The following COMMD1 variants were observed in gnomAD, a reference collection of about 807,000 sequenced individuals.
COMMD1 encodes COMM domain-containing protein 1.
Under a neutral mutation model 17.2 loss-of-function variants are expected in COMMD1, and 10 were observed. That is an observed-to-expected ratio of 0.58 (90% CI 0.36 to 0.99). The LOEUF (loss-of-function observed/expected upper bound fraction) is 0.99. COMMD1 is among the 50% of genes least tolerant of loss of function. The pLI, the probability that COMMD1 is intolerant of heterozygous loss-of-function variation, is 0.01. For synonymous variants in COMMD1, 97 were observed against 91.6 expected (o/e 1.06, Z -0.34); for missense variants, 270 against 231.8 (o/e 1.17, Z -1.07).
rs70946770 is a variant in COMMD1 at position 61,955,312 on chromosome 2, T to TTCTCTCTC, written c.181-45371_181-45364dup. Among the ~76,000 whole-genome samples the TTCTCTCTC allele has an allele frequency of 5.8e-4, 84 of 145,472 alleles. 1 individual carries two copies. The highest frequency in any genetic ancestry group is 3.7e-3 in the East Asian group (18 of 4,858). ...GATTGCCAGAAGTTCCTCTCTCTCT[T>TTCTCTCTC]TCTCTCTCTCTCTCTCTCTCTCTCT... is the stretch of plus-strand genomic sequence containing the variant. On this transcript the variant is annotated intron_variant, in intron 1 of 2. Coordinates refer to ENST00000311832, the MANE Select transcript of COMMD1 (RefSeq NM_152516.4).
intron 2 of COMMD1, among the ~76,000 whole-genome samples, chr2:62,104,193 T>A (rs1672260139): frequency 6.6e-6 from 1 of 152,144 alleles, no homozygotes; most frequent in Non-Finnish European, 1.5e-5. Flanking sequence ...GGGTTAGCAA[T>A]ATTCACTGCA....
intron 2 of COMMD1, among the ~76,000 whole-genome samples, chr2:62,049,016 G>C (rs894257558): frequency 1.3e-5 from 2 of 152,092 alleles, no homozygotes; most frequent in Non-Finnish European, 2.9e-5. Context: ...AACTAGTAGA[G>C]TATTTTTCTA....
intron 2 of COMMD1, among the ~76,000 whole-genome samples, chr2:62,086,046 T>A (rs1167735319): frequency 2.0e-5 from 3 of 151,326 alleles, no homozygotes; most frequent in Non-Finnish European, 4.4e-5. Context: ...ACACACCTAG[T>A]CGCATCTACT....
chr2:62,039,180 CTG>C (rs1459523040), intron 2 of COMMD1, among the ~76,000 whole-genome samples: 1 of 152,162 alleles, frequency 6.6e-6, no homozygotes, highest in Non-Finnish European at 1.5e-5. Context: ...TTAAGTTACT[CTG>C]TAGTTGGGTT....
chr2:61,913,754 C>T (rs1165939542), intron 1 of COMMD1, among the ~76,000 whole-genome samples: 1 of 140,246 alleles, frequency 7.1e-6, no homozygotes, highest in Non-Finnish European at 1.5e-5. Context: ...CAAGATTGCA[C>T]CACTGCACTC....
At chr2:62,111,179 C>T (rs77770883) in intron 2 of COMMD1, among the ~76,000 whole-genome samples, 1,763 of 152,214 alleles carry the variant, frequency 0.012, 36 homozygotes, top group African/African-American at 0.041. Context: ...GCTAATGAGG[C>T]ACATTTTGGG....
intron 1 of COMMD1, among the ~76,000 whole-genome samples, chr2:61,951,265 A>T (rs1198367298): frequency 6.6e-6 from 1 of 152,110 alleles, no homozygotes; most frequent in Non-Finnish European, 1.5e-5. Flanking sequence ...GGAGTTCAAG[A>T]CCAGCCTGGC....
intron 1 of COMMD1, among the ~76,000 whole-genome samples, chr2:61,933,019 A>G (rs114630543): frequency 0.012 from 1,840 of 152,100 alleles, 41 homozygotes; most frequent in African/African-American, 0.043. Context: ...GAAGGGTAGT[A>G]TATGTGGAGG....
At chr2:62,105,540 T>TATA (rs1393284253) in intron 2 of COMMD1, among the ~76,000 whole-genome samples, 1 of 152,126 alleles carries the variant, frequency 6.6e-6, no homozygotes, top group Admixed American at 6.5e-5. Flanking sequence ...ATGACCAGAT[T>TATA]GGGCTGGGTG....
intron 2 of COMMD1, among the ~76,000 whole-genome samples, chr2:62,025,271 AC>A: frequency 6.6e-6 from 1 of 151,838 alleles, no homozygotes; most frequent in African/African-American, 2.4e-5. Flanking sequence ...GGTGGTTCAC[AC>A]CCCAGTGCTT....
intron 2 of COMMD1, among the ~76,000 whole-genome samples, chr2:62,076,281 T>C (rs1380654971): frequency 6.6e-6 from 1 of 152,216 alleles, no homozygotes; most frequent in Non-Finnish European, 1.5e-5. Context: ...TAGGAAAGGA[T>C]GATTGTCAGA....
intron 2 of COMMD1, among the ~76,000 whole-genome samples, chr2:62,032,564 C>G (rs772310501): frequency 6.6e-6 from 1 of 152,044 alleles, no homozygotes; most frequent in Non-Finnish European, 1.5e-5. Context: ...AGGAAAAAAC[C>G]TACAAACCAT....
chr2:62,033,074 T>C (rs1454601807), intron 2 of COMMD1, among the ~76,000 whole-genome samples: 1 of 152,186 alleles, frequency 6.6e-6, no homozygotes, highest in East Asian at 1.9e-4. Flanking sequence ...CTGGCCAGTT[T>C]AGCTTCTTTA....
At chr2:61,943,188 C>T (rs899239203) in intron 1 of COMMD1, among the ~76,000 whole-genome samples, 3 of 152,064 alleles carry the variant, frequency 2.0e-5, no homozygotes, top group Non-Finnish European at 4.4e-5. Flanking sequence ...TGTAATTTGC[C>T]CATCAGTTTA....
At chr2:61,961,786 A>G (rs2103696398) in intron 1 of COMMD1, among the ~76,000 whole-genome samples, 1 of 151,610 alleles carries the variant, frequency 6.6e-6, no homozygotes, top group Non-Finnish European at 1.5e-5. Context: ...TTTCTCAACT[A>G]CCCTGCTGTG....
At chr2:61,944,981 C>T (rs953153874) in intron 1 of COMMD1, among the ~76,000 whole-genome samples, 13 of 152,140 alleles carry the variant, frequency 8.5e-5, no homozygotes, top group Admixed American at 5.9e-4. Flanking sequence ...TTAGCCAATT[C>T]GGAGGCCTTG....
intron 2 of COMMD1, among the ~76,000 whole-genome samples, chr2:62,018,017 C>T (rs1203892223): frequency 2.0e-5 from 3 of 152,012 alleles, no homozygotes; most frequent in African/African-American, 7.2e-5. Flanking sequence ...CCTCTGCACT[C>T]CAGCCTGGGC....
intron 2 of COMMD1, among the ~76,000 whole-genome samples, chr2:62,049,482 A>G (rs910066126): frequency 1.3e-5 from 2 of 152,106 alleles, no homozygotes; most frequent in African/African-American, 4.8e-5. Flanking sequence ...GGGGCATGCT[A>G]CTGATATCTA....
chr2:61,990,891 AAT>A (rs1221008534), intron 1 of COMMD1, among the ~76,000 whole-genome samples: 20 of 103,848 alleles, frequency 1.9e-4, no homozygotes, highest in Non-Finnish European at 3.6e-4. Flanking sequence ...AAAAAAAAAA[AAT>A]ATATATATAT....
Sources: gnomAD v4.1 joint callset for allele counts (sites outside exome capture counted in the v4.1 genomes callset) on GRCh38, gnomAD v4.1.1 for gene constraint, MANE v1.5 for transcripts, NCBI Gene and HGNC (gene_info 2026-07-23, HGNC 2026-07-21) for gene names.